Variants in PHLDB2 observed in about 807,000 individuals in gnomAD.
The protein encoded by PHLDB2 is pleckstrin homology like domain family B member 2.
Under a neutral mutation model 123.6 loss-of-function variants are expected in PHLDB2, and 71 were observed. The observed-to-expected ratio is 0.57, with a 90% confidence interval of 0.47 to 0.70. The LOEUF is 0.70. Ranked by LOEUF, PHLDB2 falls within the 30% of genes least tolerant of loss-of-function variation. PHLDB2 has a pLI of 0.00. For missense variants in PHLDB2, 1,446 were observed against 1,519.5 expected (o/e 0.95, Z 0.80); for synonymous variants, 547 against 541.6 (o/e 1.01, Z -0.14).
Position 111,835,824 on chromosome 3 carries a change from G to A in PHLDB2, c.-48-9997G>A, listed in dbSNP as rs1479782011. Among the ~76,000 whole-genome samples the A allele has an allele frequency of 2.0e-5, 3 of 152,260 alleles. No homozygotes were observed. In the South Asian group the frequency reaches 6.2e-4, roughly 32 times the overall value. On this transcript the variant is annotated intron_variant, in intron 1 of 17. Transcript: ENST00000393923. ...CCATGTAGTCTTTCCTCTTCCTCACGACTCAGGGCCTAGGTTCCAAGGGCT... is the reference window on the plus strand; with the variant it reads ...CCATGTAGTCTTTCCTCTTCCTCACAACTCAGGGCCTAGGTTCCAAGGGCT...
At chr3:111,758,295 AC>A (rs2059933080) in intron 1 of PHLDB2, among the ~76,000 whole-genome samples, 1 of 152,164 alleles carries the variant, frequency 6.6e-6, no homozygotes, top group Non-Finnish European at 1.5e-5. Context: ...TACCTAAGCA[AC>A]CCTGGGCAAT....
Position 111,975,865 on chromosome 3 carries a change from C to T in PHLDB2, c.*1302C>T, listed in dbSNP as rs2107704206. On this transcript the variant is annotated 3_prime_UTR_variant, in exon 18 of 18. Coordinates refer to ENST00000431670, the MANE Select transcript of PHLDB2 (RefSeq NM_001134438.2). ...ATGAAATGATTAGATTAGAAGTGTC[C>T]CTTTATTAAACTTTGTCAGCCTGAC... 1 of 152,506 alleles carries T rather than the reference C, an allele frequency of 6.6e-6. No homozygotes were observed. 9.4% of individuals were successfully genotyped at this position (152,506 alleles called of 1,614,324 possible). A position where few individuals can be genotyped will look rare whatever the true frequency, so the allele number is the denominator to read the frequency against.
At chr3:111,794,385 G>A (rs1190483801) in intron 1 of PHLDB2, among the ~76,000 whole-genome samples, 1 of 152,170 alleles carries the variant, frequency 6.6e-6, no homozygotes, top group Non-Finnish European at 1.5e-5. Context: ...GAGGGGTGGT[G>A]TTGGCAATTC....
chr3:111,770,410 A>C (rs958847780), intron 1 of PHLDB2, among the ~76,000 whole-genome samples: 24 of 152,102 alleles, frequency 1.6e-4, no homozygotes, highest in African/African-American at 5.8e-4. Context: ...CATCTAATTT[A>C]TTTGTTACTA....
intron 1 of PHLDB2, among the ~76,000 whole-genome samples, chr3:111,738,853 T>C (rs573214398): frequency 6.6e-6 from 1 of 152,294 alleles, no homozygotes; most frequent in East Asian, 1.9e-4. Context: ...ACCATTGGTG[T>C]AGAGGGAATA....
At chr3:111,890,127 C>G (rs1198485203) in intron 2 of PHLDB2, among the ~76,000 whole-genome samples, 1 of 152,210 alleles carries the variant, frequency 6.6e-6, no homozygotes, top group Admixed American at 6.5e-5. Context: ...CACCTCTCAC[C>G]TGACCAAGAC....
At chr3:111,963,247 C>A (rs1390404021) in intron 13 of PHLDB2, among the ~76,000 whole-genome samples, 1 of 152,178 alleles carries the variant, frequency 6.6e-6, no homozygotes, top group Non-Finnish European at 1.5e-5. Context: ...CCCGATAAAC[C>A]TCACAGAGCT....
intron 2 of PHLDB2, among the ~76,000 whole-genome samples, chr3:111,897,732 C>T (rs948905333): frequency 2.0e-5 from 3 of 152,172 alleles, no homozygotes; most frequent in Non-Finnish European, 2.9e-5. Flanking sequence ...TATGAAAGGT[C>T]ATCTTTTCCA....
At chr3:111,944,272 G>A (rs942620942) in intron 8 of PHLDB2, among the ~76,000 whole-genome samples, 1 of 152,100 alleles carries the variant, frequency 6.6e-6, no homozygotes, top group Non-Finnish European at 1.5e-5. Flanking sequence ...GAAATGATTG[G>A]GGTGACAGAA....
At chr3:111,830,924 TAGAAAGAAAGAAAAGAAGGAA>T (rs1171571307) in intron 1 of PHLDB2, among the ~76,000 whole-genome samples, 19 of 137,306 alleles carry the variant, frequency 1.4e-4, no homozygotes, top group African/African-American at 5.0e-4. Context: ...TTTTATTTTC[TAGAAAGAAAGAAAAGAAGGAA>T]AGAAAGAAAG....
chr3:111,896,661 A>G (rs931890419), intron 2 of PHLDB2, among the ~76,000 whole-genome samples: 16 of 152,052 alleles, frequency 1.1e-4, no homozygotes, highest in African/African-American at 3.9e-4. Flanking sequence ...TGCGCTGGCT[A>G]ATTCTTATAA....
At chr3:111,772,898 T>A (rs988843487) in intron 1 of PHLDB2, among the ~76,000 whole-genome samples, 1 of 152,130 alleles carries the variant, frequency 6.6e-6, no homozygotes, top group Admixed American at 6.5e-5. Context: ...GTATGAGGAA[T>A]GCAATTTGGA....
chr3:111,824,616 G>A (rs111802539), intron 1 of PHLDB2, among the ~76,000 whole-genome samples: 90 of 152,292 alleles, frequency 5.9e-4, no homozygotes, highest in African/African-American at 2.1e-3. Context: ...AGCCCTGATT[G>A]CAGCTGGCAG....
At chr3:111,794,887 G>A (rs1336882517) in intron 1 of PHLDB2, among the ~76,000 whole-genome samples, 2 of 152,128 alleles carry the variant, frequency 1.3e-5, no homozygotes, top group Admixed American at 6.5e-5. Context: ...CTGAGGGGTG[G>A]AACCATCTGG....
chr3:111,965,127 G>T (rs2071668594), intron 13 of PHLDB2, among the ~76,000 whole-genome samples: 1 of 152,146 alleles, frequency 6.6e-6, no homozygotes, highest in Non-Finnish European at 1.5e-5. Context: ...AAAATTAAAA[G>T]ATTTCTTTCC....
chr3:111,893,339 C>T (rs1009796084), intron 2 of PHLDB2, among the ~76,000 whole-genome samples: 3 of 151,706 alleles, frequency 2.0e-5, no homozygotes, highest in African/African-American at 7.3e-5. Flanking sequence ...TGATGTGGCC[C>T]TTCCATTTGC....
At chr3:111,830,947 G>C (rs1197534573) in intron 1 of PHLDB2, among the ~76,000 whole-genome samples, 1 of 101,786 alleles carries the variant, frequency 9.8e-6, no homozygotes, top group Non-Finnish European at 2.0e-5. Context: ...AAGAAGGAAA[G>C]AAAGAAAGAG....
intron 5 of PHLDB2, among the ~76,000 whole-genome samples, chr3:111,922,735 A>G (rs921745522): frequency 1.7e-4 from 26 of 152,146 alleles, no homozygotes; most frequent in African/African-American, 5.6e-4. Flanking sequence ...TCTCAAATAA[A>G]TTTATTCCAC....
chr3:111,762,665 C>CT (rs1210374068), intron 1 of PHLDB2, among the ~76,000 whole-genome samples: 1 of 152,100 alleles, frequency 6.6e-6, no homozygotes, highest in Non-Finnish European at 1.5e-5. Context: ...CTCTCTTGGC[C>CT]TTTTTTGGCT....
Sources: allele counts gnomAD v4.1 joint callset (sites outside exome capture counted in the v4.1 genomes callset), GRCh38; gene constraint gnomAD v4.1.1; transcripts MANE v1.5; gene names NCBI Gene and HGNC (gene_info 2026-07-23, HGNC 2026-07-21).